Variants in SHISA9 observed in about 807,000 individuals in gnomAD.
SHISA9 encodes protein shisa-9.
Under a neutral mutation model 38.0 loss-of-function variants are expected in SHISA9, and 13 were observed. The observed-to-expected ratio is 0.34, with a 90% CI of 0.22 to 0.54. SHISA9 has a LOEUF of 0.54. Among genes scored for constraint, SHISA9 ranks in the 20% least tolerant of loss-of-function variants. The probability of loss-of-function intolerance (pLI) is 0.91; values close to 1 mark genes in which losing one functional copy is unlikely to be tolerated. For synonymous variants in SHISA9, 275 were observed against 242.0 expected, an observed-to-expected ratio of 1.14 and a Z score of -1.27; for missense variants, 538 against 575.8, an observed-to-expected ratio of 0.93 and a Z score of 0.67.
At chr16:13,021,258 C>T (rs62027197) in intron 2 of SHISA9, among the ~76,000 whole-genome samples, 18,529 of 152,106 alleles carry the variant, frequency 0.12, 1,222 homozygotes, top group Middle Eastern at 0.17. Flanking sequence ...TGGCTCCTGG[C>T]ATCTAGTGAG....
the SHISA9 span, among the ~76,000 whole-genome samples, chr16:13,327,795 T>A: frequency 6.6e-6 from 1 of 151,986 alleles, no homozygotes. Context: ...TAGTTGGGAT[T>A]ACTGGCCCCT....
chr16:13,446,262 A>G, the SHISA9 span, among the ~76,000 whole-genome samples: 2 of 152,204 alleles, frequency 1.3e-5, no homozygotes, highest in African/African-American at 4.8e-5. Flanking sequence ...GCACATTTTA[A>G]GAGCTCATTG....
chr16:13,069,663 A>ATG (rs143850140), intron 2 of SHISA9, among the ~76,000 whole-genome samples: 4 of 152,006 alleles, frequency 2.6e-5, no homozygotes, highest in East Asian at 1.9e-4. Flanking sequence ...TGGTGTATGT[A>ATG]TGTGTGTGTG....
At chr16:13,400,694 C>T in the SHISA9 span, among the ~76,000 whole-genome samples, 12 of 152,186 alleles carry the variant, frequency 7.9e-5, no homozygotes, top group East Asian at 1.9e-4. Flanking sequence ...ATAACCCTGA[C>T]TCCATGTCTG....
intron 2 of SHISA9, among the ~76,000 whole-genome samples, chr16:12,929,457 C>T (rs1009961346): frequency 2.0e-5 from 3 of 152,060 alleles, no homozygotes; most frequent in Non-Finnish European, 4.4e-5. Context: ...TACTATGCAG[C>T]CATAAAAAGG....
chr16:13,107,503 A>G (rs1464146557), intron 2 of SHISA9, among the ~76,000 whole-genome samples: 2 of 150,668 alleles, frequency 1.3e-5, no homozygotes, highest in African/African-American at 2.4e-5. Context: ...ACACACACAC[A>G]CACACACACA....
chr16:13,140,080 TCTTCTCTTCCCTTCC>T (rs1567225100), intron 2 of SHISA9, among the ~76,000 whole-genome samples: 2 of 124,542 alleles, frequency 1.6e-5, no homozygotes, highest in African/African-American at 6.1e-5. Flanking sequence ...TCTCCTTTCC[TCTTCTCTTCCCTTCC>T]CTTCCCTTCC....
chr16:13,348,371 G>A, the SHISA9 span, among the ~76,000 whole-genome samples: 6 of 151,978 alleles, frequency 3.9e-5, no homozygotes, highest in African/African-American at 1.4e-4. Context: ...GGATTTTTTT[G>A]ATTACAGAGG....
intron 2 of SHISA9, among the ~76,000 whole-genome samples, chr16:13,091,276 C>T (rs1404326986): frequency 6.6e-6 from 1 of 152,166 alleles, no homozygotes; most frequent in African/African-American, 2.4e-5. Flanking sequence ...AATTATGTGT[C>T]TTGGGGTTGC....
chr16:13,134,073 G>A (rs1011274077), intron 2 of SHISA9, among the ~76,000 whole-genome samples: 1 of 152,132 alleles, frequency 6.6e-6, no homozygotes, highest in Non-Finnish European at 1.5e-5. Context: ...TCCACTAGGT[G>A]TAAGAAACTT....
the SHISA9 span, among the ~76,000 whole-genome samples, chr16:13,449,284 G>A: frequency 2.6e-5 from 4 of 152,134 alleles, no homozygotes; most frequent in South Asian, 6.2e-4. Context: ...AGACCAAAAT[G>A]TTCAGGCCAT....
intron 2 of SHISA9, among the ~76,000 whole-genome samples, chr16:13,191,180 A>C (rs956650016): frequency 1.3e-5 from 2 of 152,252 alleles, no homozygotes; most frequent in Non-Finnish European, 2.9e-5. Flanking sequence ...TTAGAAAGAA[A>C]AACAGTGCTA....
the SHISA9 span, among the ~76,000 whole-genome samples, chr16:13,286,212 A>G: frequency 6.6e-6 from 1 of 152,122 alleles, no homozygotes; most frequent in Non-Finnish European, 1.5e-5. Flanking sequence ...CCTAAAATGT[A>G]TAAAACCAAG....
intron 2 of SHISA9, among the ~76,000 whole-genome samples, chr16:13,122,873 C>T (rs2050225582): frequency 6.6e-6 from 1 of 152,144 alleles, no homozygotes; most frequent in Non-Finnish European, 1.5e-5. Context: ...ATGGCAAAAC[C>T]TCATCCCAAC....
chr16:13,448,664 G>T, the SHISA9 span, among the ~76,000 whole-genome samples: 1 of 152,292 alleles, frequency 6.6e-6, no homozygotes, highest in South Asian at 2.1e-4. Context: ...GATTTCTGAG[G>T]TCGCCTATTC....
chr16:13,101,368 C>G (rs936364856), intron 2 of SHISA9, among the ~76,000 whole-genome samples: 1 of 152,168 alleles, frequency 6.6e-6, no homozygotes, highest in Non-Finnish European at 1.5e-5. Context: ...ATCAAAACAT[C>G]AAGTGGTATA....
At chr16:13,429,116 T>C in the SHISA9 span, among the ~76,000 whole-genome samples, 1 of 152,120 alleles carries the variant, frequency 6.6e-6, no homozygotes, top group African/African-American at 2.4e-5. Flanking sequence ...GATGACGGGA[T>C]AGTTTTGCAG....
chr16:13,181,473 G>A (rs1321135407), intron 2 of SHISA9, among the ~76,000 whole-genome samples: 1 of 151,740 alleles, frequency 6.6e-6, no homozygotes, highest in Non-Finnish European at 1.5e-5. Flanking sequence ...CAGCTTGCTG[G>A]GGGATAGAGA....
chr16:13,506,041 G>C, the SHISA9 span, among the ~76,000 whole-genome samples: 1 of 152,148 alleles, frequency 6.6e-6, no homozygotes, highest in Non-Finnish European at 1.5e-5. Flanking sequence ...AGCCTTGTTT[G>C]GTAAGAAGAA....
Sources: allele counts gnomAD v4.1 joint callset (sites outside exome capture counted in the v4.1 genomes callset), GRCh38; gene constraint gnomAD v4.1.1; transcripts MANE v1.5; gene names NCBI Gene and HGNC (gene_info 2026-07-23, HGNC 2026-07-21).